RFX3: variants seen among roughly 807,000 people sequenced by gnomAD.
The protein encoded by RFX3 is regulatory factor X3, also known as transcription factor RFX3.
In RFX3, 14 loss-of-function variants were observed where a neutral mutation model predicts 98.6. The observed-to-expected ratio is 0.14, with a 90% confidence interval of 0.09 to 0.22. The LOEUF (loss-of-function observed/expected upper bound fraction) is 0.22, where lower values mean the gene tolerates loss of function less well. RFX3 is among the 10% of genes least tolerant of loss of function. The pLI is 1.00. For synonymous variants in RFX3, 383 were observed against 328.4 expected (o/e 1.17, Z -1.80); for missense variants, 639 against 926.9 (o/e 0.69, Z 4.03).
intron 2 of RFX3, among the ~76,000 whole-genome samples, chr9:3,365,688 T>G (rs959750147): frequency 1.3e-5 from 2 of 152,208 alleles, no homozygotes; most frequent in Admixed American, 1.3e-4. Context: ...TAAACACAGT[T>G]TCATAAAGTA....
At chr9:3,353,324 G>A (rs947676543) in intron 2 of RFX3, among the ~76,000 whole-genome samples, 5 of 151,870 alleles carry the variant, frequency 3.3e-5, no homozygotes, top group Non-Finnish European at 4.4e-5. Context: ...TTGTGCACAT[G>A]TACCCTAAAA....
At chr9:3,292,770 G>C (rs947389501) in intron 6 of RFX3, among the ~76,000 whole-genome samples, 1 of 152,136 alleles carries the variant, frequency 6.6e-6, no homozygotes, top group African/African-American at 2.4e-5. Context: ...ATGTGTTTGT[G>C]TGTGTTTTAA....
At chr9:3,509,345 T>A (rs1817441710) in intron 1 of RFX3, among the ~76,000 whole-genome samples, 1 of 151,954 alleles carries the variant, frequency 6.6e-6, no homozygotes, top group Non-Finnish European at 1.5e-5. Flanking sequence ...AAATTCATAA[T>A]TAAATGAATG....
chr9:3,466,476 T>C (rs1848232561), intron 1 of RFX3, among the ~76,000 whole-genome samples: 1 of 152,158 alleles, frequency 6.6e-6, no homozygotes, highest in Non-Finnish European at 1.5e-5. Context: ...AATTAAAAGA[T>C]GAAGAACATG....
chr9:3,521,112 T>A (rs754494228), intron 1 of RFX3, among the ~76,000 whole-genome samples: 7 of 152,232 alleles, frequency 4.6e-5, no homozygotes, highest in Non-Finnish European at 1.0e-4. Context: ...AAAAGTGTTA[T>A]AAGAATGGAC....
intron 1 of RFX3, among the ~76,000 whole-genome samples, chr9:3,420,581 C>T (rs1176697548): frequency 6.6e-6 from 1 of 152,136 alleles, no homozygotes; most frequent in Non-Finnish European, 1.5e-5. Context: ...TTTAAGTAAG[C>T]AGTAACTTGA....
chr9:3,326,895 A>AT (rs1831983726), intron 4 of RFX3, among the ~76,000 whole-genome samples: 2 of 152,190 alleles, frequency 1.3e-5, no homozygotes, highest in Non-Finnish European at 2.9e-5. Flanking sequence ...ACTTACTGAT[A>AT]GCCCCCTAAG....
At chr9:3,274,259 T>A (rs1214051507) in intron 9 of RFX3, among the ~76,000 whole-genome samples, 1 of 152,190 alleles carries the variant, frequency 6.6e-6, no homozygotes, top group African/African-American at 2.4e-5. Context: ...GGAAAATGTC[T>A]ATTAATGCTA....
chr9:3,251,575 C>T (rs1472589563), intron 14 of RFX3, among the ~76,000 whole-genome samples: 1 of 152,056 alleles, frequency 6.6e-6, no homozygotes, highest in African/African-American at 2.4e-5. Flanking sequence ...TCAACTGATC[C>T]TCCTGCCTCA....
intron 1 of RFX3, among the ~76,000 whole-genome samples, chr9:3,502,525 T>A (rs997060889): frequency 1.3e-5 from 2 of 152,164 alleles, no homozygotes; most frequent in Non-Finnish European, 2.9e-5. Context: ...GCCATCTTAA[T>A]AAAGAGGTAA....
intron 3 of RFX3, among the ~76,000 whole-genome samples, chr9:3,331,539 G>T (rs983412660): frequency 6.6e-6 from 1 of 152,042 alleles, no homozygotes; most frequent in Non-Finnish European, 1.5e-5. Context: ...CCATTCCTGA[G>T]AGTTTGGTGT....
At chr9:3,380,004 G>C (rs557819882) in intron 2 of RFX3, among the ~76,000 whole-genome samples, 56 of 151,884 alleles carry the variant, frequency 3.7e-4, no homozygotes, top group Non-Finnish European at 6.3e-4. Flanking sequence ...TCAGCTCACT[G>C]CAACCTCTGC....
chr9:3,249,959 A>G (rs1482157942), intron 14 of RFX3, among the ~76,000 whole-genome samples: 3 of 152,050 alleles, frequency 2.0e-5, no homozygotes, highest in Non-Finnish European at 4.4e-5. Flanking sequence ...TATTAAAAAT[A>G]AATGAATACT....
At chr9:3,324,844 A>T (rs1233355289) in intron 4 of RFX3, among the ~76,000 whole-genome samples, 3 of 151,968 alleles carry the variant, frequency 2.0e-5, no homozygotes, top group Admixed American at 2.0e-4. Context: ...GACACCTGTA[A>T]TCCCAGCTAC....
chr9:3,385,003 A>G (rs1385202473), intron 2 of RFX3, among the ~76,000 whole-genome samples: 1 of 152,178 alleles, frequency 6.6e-6, no homozygotes, highest in African/African-American at 2.4e-5. Flanking sequence ...ATAAATGACA[A>G]TTTTGATTTG....
At chr9:3,502,542 C>G (rs1287750488) in intron 1 of RFX3, among the ~76,000 whole-genome samples, 1 of 152,110 alleles carries the variant, frequency 6.6e-6, no homozygotes, top group Non-Finnish European at 1.5e-5. Flanking sequence ...GTAAATAATA[C>G]CATCTCACAG....
At chr9:3,504,944 A>AAT (rs1816738280) in intron 1 of RFX3, among the ~76,000 whole-genome samples, 1 of 59,328 alleles carries the variant, frequency 1.7e-5, no homozygotes, top group Non-Finnish European at 2.5e-5. Context: ...TAATATATAT[A>AAT]ATATAATATA....
chr9:3,275,005 T>C (rs758913827), intron 9 of RFX3, among the ~76,000 whole-genome samples: 9 of 152,104 alleles, frequency 5.9e-5, no homozygotes, highest in Non-Finnish European at 1.3e-4. Context: ...CTTTTAACTT[T>C]AAATCTCGAA....
At chr9:3,325,749 C>G (rs1212036367) in intron 4 of RFX3, among the ~76,000 whole-genome samples, 1 of 152,090 alleles carries the variant, frequency 6.6e-6, no homozygotes, top group African/African-American at 2.4e-5. Context: ...AAAAAAATCA[C>G]TAACTACATT....
Sources: allele counts gnomAD v4.1 joint callset (sites outside exome capture counted in the v4.1 genomes callset), GRCh38; gene constraint gnomAD v4.1.1; transcripts MANE v1.5; gene names NCBI Gene and HGNC (gene_info 2026-07-23, HGNC 2026-07-21).